The following LGR4 variants were observed in gnomAD, a reference collection of about 807,000 sequenced individuals.
LGR4 encodes the protein leucine-rich repeat-containing G protein-coupled receptor 4.
LGR4 carries 44 observed loss-of-function variants against 84.8 expected under a neutral mutation model. That is an observed-to-expected ratio of 0.52 (90% CI 0.41 to 0.67). LGR4 has a LOEUF of 0.67. Ranked by LOEUF, LGR4 falls within the 30% of genes least tolerant of loss-of-function variation. The pLI is 0.00. For missense variants in LGR4, 1,032 were observed against 1,131.4 expected, an observed-to-expected ratio of 0.91 and a Z score of 1.26; for synonymous variants, 429 against 434.3, an observed-to-expected ratio of 0.99 and a Z score of 0.15.
At chr11:27,375,000 T>C (rs1297098857) in intron 13 of LGR4, among the ~76,000 whole-genome samples, 1 of 151,980 alleles carries the variant, frequency 6.6e-6, no homozygotes, top group Non-Finnish European at 1.5e-5. Flanking sequence ...AGAAAAATGT[T>C]GTGCTGGGCA....
intron 1 of LGR4, among the ~76,000 whole-genome samples, chr11:27,435,027 C>T (rs1357458492): frequency 6.6e-6 from 1 of 152,118 alleles, no homozygotes; most frequent in Admixed American, 6.6e-5. Context: ...GATGACCTTC[C>T]TGACGAGCTA....
chr11:27,458,904 A>C (rs1864623820), intron 1 of LGR4, among the ~76,000 whole-genome samples: 2 of 152,200 alleles, frequency 1.3e-5, no homozygotes, highest in African/African-American at 4.8e-5. Context: ...TCTAAGATTA[A>C]ACCATTTATT....
intron 1 of LGR4, among the ~76,000 whole-genome samples, chr11:27,426,583 A>C (rs1304343794): frequency 6.6e-6 from 1 of 152,214 alleles, no homozygotes; most frequent in African/African-American, 2.4e-5. Context: ...CAGTTTCTGC[A>C]AGTGTAAACG....
intron 1 of LGR4, among the ~76,000 whole-genome samples, chr11:27,420,094 T>G (rs962788981): frequency 1.3e-5 from 2 of 152,164 alleles, no homozygotes; most frequent in African/African-American, 4.8e-5. Context: ...ATACCTGTAT[T>G]TTGTGGGTTT....
Position 27,437,377 on chromosome 11 carries a change from A to G in LGR4, c.186-24517T>C, listed in dbSNP as rs1590393375. ...TTGAACAGACCAAAGACATGCTACT[A>G]TTTTCTAGTGTTGAGAAAAGTTTCA... On this transcript the variant is annotated intron_variant, in intron 1 of 17. Coordinates refer to ENST00000379214, the MANE Select transcript of LGR4 (RefSeq NM_018490.5). Among the ~76,000 whole-genome samples, 3 of 152,028 alleles carry G rather than the reference A, an allele frequency of 2.0e-5. No homozygotes were observed. In the South Asian group the frequency reaches 6.2e-4, roughly 32 times the overall value.
At chr11:27,419,633 T>A (rs1006906988) in intron 1 of LGR4, among the ~76,000 whole-genome samples, 1 of 147,510 alleles carries the variant, frequency 6.8e-6, no homozygotes, top group Non-Finnish European at 1.5e-5. Flanking sequence ...TAATAATATA[T>A]ATAATTATAT....
intron 1 of LGR4, among the ~76,000 whole-genome samples, chr11:27,459,540 G>A (rs1169569944): frequency 1.3e-5 from 2 of 151,284 alleles, no homozygotes; most frequent in South Asian, 2.1e-4. Context: ...GCAGTGGTGC[G>A]ATCTCGGTTC....
At chr11:27,430,400 T>C (rs1278911892) in intron 1 of LGR4, among the ~76,000 whole-genome samples, 1 of 151,894 alleles carries the variant, frequency 6.6e-6, no homozygotes, top group African/African-American at 2.4e-5. Context: ...GCTTTCCAGA[T>C]AGCTGAGGTT....
chr11:27,376,080 G>A (rs912213065), intron 13 of LGR4, among the ~76,000 whole-genome samples: 1 of 151,402 alleles, frequency 6.6e-6, no homozygotes, highest in Admixed American at 6.6e-5. Flanking sequence ...GGGTTCAAGC[G>A]ATTCTCCTGC....
At chr11:27,402,950 G>A (rs1178320437) in intron 2 of LGR4, among the ~76,000 whole-genome samples, 3 of 152,130 alleles carry the variant, frequency 2.0e-5, no homozygotes, top group Admixed American at 6.6e-5. Flanking sequence ...ACTTTGTGAT[G>A]CATCATAGCA....
At chr11:27,466,968 T>C (rs1227078909) in intron 1 of LGR4, among the ~76,000 whole-genome samples, 1 of 151,936 alleles carries the variant, frequency 6.6e-6, no homozygotes, top group African/African-American at 2.4e-5. Context: ...TTATTTTAAG[T>C]AGAGACGGGG....
intron 10 of LGR4, among the ~76,000 whole-genome samples, chr11:27,379,686 C>T (rs938706109): frequency 1.3e-5 from 2 of 152,188 alleles, no homozygotes; most frequent in Non-Finnish European, 2.9e-5. Flanking sequence ...CTTAAGTGCA[C>T]CTGTAAACTC....
At chr11:27,388,294 C>A (rs1863222605) in intron 4 of LGR4, among the ~76,000 whole-genome samples, 1 of 152,144 alleles carries the variant, frequency 6.6e-6, no homozygotes, top group South Asian at 2.1e-4. Context: ...TGCTTCAGAG[C>A]ACTGTCTCAG....
intron 1 of LGR4, among the ~76,000 whole-genome samples, chr11:27,455,840 A>G (rs1284088453): frequency 6.6e-6 from 1 of 152,198 alleles, no homozygotes; most frequent in East Asian, 1.9e-4. Context: ...TCTCATTACT[A>G]GTGGTAATAA....
chr11:27,465,314 A>T (rs1864757825), intron 1 of LGR4, among the ~76,000 whole-genome samples: 1 of 152,244 alleles, frequency 6.6e-6, no homozygotes, highest in African/African-American at 2.4e-5. Flanking sequence ...TTAGAAAGGC[A>T]TTGCTGAACC....
intron 2 of LGR4, among the ~76,000 whole-genome samples, chr11:27,399,104 T>C (rs1330455137): frequency 6.6e-6 from 1 of 152,034 alleles, no homozygotes; most frequent in African/African-American, 2.4e-5. Context: ...GAGACTGGGG[T>C]TTCACCAAGT....
At chr11:27,386,342 C>A (rs887833589) in intron 4 of LGR4, among the ~76,000 whole-genome samples, 5 of 152,178 alleles carry the variant, frequency 3.3e-5, no homozygotes, top group African/African-American at 9.7e-5. Flanking sequence ...AACACAAAGA[C>A]AATCTGGTAT....
At chr11:27,399,914 T>G (rs1863466528) in intron 2 of LGR4, among the ~76,000 whole-genome samples, 1 of 152,220 alleles carries the variant, frequency 6.6e-6, no homozygotes, top group African/African-American at 2.4e-5. Flanking sequence ...CAGAACTATG[T>G]TGGCTCCTGT....
intron 2 of LGR4, among the ~76,000 whole-genome samples, chr11:27,402,488 C>T (rs1024436483): frequency 1.2e-4 from 19 of 152,138 alleles, no homozygotes; most frequent in African/African-American, 4.3e-4. Flanking sequence ...GTTCTACCAC[C>T]TTGTCATGTA....
Sources: allele counts gnomAD v4.1 joint callset (sites outside exome capture counted in the v4.1 genomes callset), GRCh38; gene constraint gnomAD v4.1.1; transcripts MANE v1.5; gene names NCBI Gene and HGNC (gene_info 2026-07-23, HGNC 2026-07-21).